MGAT4C: variants seen among roughly 807,000 people sequenced by gnomAD.
MGAT4C encodes the protein alpha-1,3-mannosyl-glycoprotein 4-beta-N-acetylglucosaminyltransferase C.
A neutral mutation model predicts 40.1 loss-of-function variants in MGAT4C; 19 were observed. The ratio of observed to expected loss-of-function variants is 0.47; its 90% CI spans 0.33 to 0.70. The LOEUF is 0.70. MGAT4C is among the 30% of genes least tolerant of loss of function. The pLI is 0.02. For missense variants in MGAT4C, 491 were observed against 563.2 expected (o/e 0.87, Z 1.30); for synonymous variants, 181 against 187.1 (o/e 0.97, Z 0.27).
At chr12:86,818,471 G>C (rs898522543) in intron 1 of MGAT4C, among the ~76,000 whole-genome samples, 2 of 151,046 alleles carry the variant, frequency 1.3e-5, no homozygotes, top group African/African-American at 4.8e-5. Context: ...TGAATTGTTA[G>C]AGGCATGGAA....
intron 3 of MGAT4C, among the ~76,000 whole-genome samples, chr12:86,423,011 G>A (rs761081078): frequency 1.3e-5 from 2 of 152,218 alleles, no homozygotes; most frequent in East Asian, 1.9e-4. Context: ...TAATCTGCAC[G>A]AACATCAGAA....
At chr12:86,699,964 T>C (rs1950326210) in intron 2 of MGAT4C, among the ~76,000 whole-genome samples, 1 of 151,538 alleles carries the variant, frequency 6.6e-6, no homozygotes, top group Non-Finnish European at 1.5e-5. Context: ...GTAATCGTTA[T>C]TGAAAAAAGG....
intron 3 of MGAT4C, among the ~76,000 whole-genome samples, chr12:86,427,539 T>C (rs1956953733): frequency 6.6e-6 from 1 of 152,058 alleles, no homozygotes; most frequent in Non-Finnish European, 1.5e-5. Context: ...AGCACACACA[T>C]GCACATGTGC....
intron 1 of MGAT4C, among the ~76,000 whole-genome samples, chr12:86,229,267 C>A (rs1035862119): frequency 1.2e-4 from 18 of 151,718 alleles, no homozygotes. Context: ...CATTGAATTG[C>A]AAGAATAATG....
At chr12:86,643,445 T>G (rs1013920006) in intron 2 of MGAT4C, among the ~76,000 whole-genome samples, 1 of 151,888 alleles carries the variant, frequency 6.6e-6, no homozygotes, top group Non-Finnish European at 1.5e-5. Context: ...AGACTGAATA[T>G]TCATTAATTG....
chr12:86,446,658 C>CATATATATAT (rs34157468), intron 2 of MGAT4C, among the ~76,000 whole-genome samples: 18 of 35,324 alleles, frequency 5.1e-4, no homozygotes, highest in Admixed American at 1.0e-3. Flanking sequence ...TCATGTAACT[C>CATATATATAT]ATATATATAT....
intron 3 of MGAT4C, among the ~76,000 whole-genome samples, chr12:86,343,067 C>T (rs768153988): frequency 1.3e-5 from 2 of 152,112 alleles, no homozygotes; most frequent in Admixed American, 6.6e-5. Context: ...TGGTCACTAA[C>T]GACTCAGGAT....
At chr12:86,001,334 C>A (rs1304768654) in intron 2 of MGAT4C, among the ~76,000 whole-genome samples, 1 of 152,178 alleles carries the variant, frequency 6.6e-6, no homozygotes. Flanking sequence ...TTCAATACCC[C>A]ATGGCAGTAG....
chr12:86,628,764 A>G (rs572071568), intron 2 of MGAT4C, among the ~76,000 whole-genome samples: 1 of 152,330 alleles, frequency 6.6e-6, no homozygotes, highest in South Asian at 2.1e-4. Flanking sequence ...CACGGAAAGG[A>G]AAAACCAGTG....
chr12:86,214,336 C>T (rs560685444), intron 1 of MGAT4C, among the ~76,000 whole-genome samples: 113 of 152,334 alleles, frequency 7.4e-4, no homozygotes, highest in Middle Eastern at 3.4e-3. Context: ...CAGTCTCTAT[C>T]CCATTACCCA....
Position 85,989,511 on chromosome 12 carries a change from T to C in MGAT4C, c.36A>G (p.Glu12=). The part of the protein sequence containing the change: ...FKFHQMKHIF[E]ILDKMRCLRK... ...TCAGGCATCTCATTTTATCAAGTAT[T>C]TCAAAAATATGTTTCATTTGATGAA... Residue 12 remains glutamate, a synonymous_variant, in exon 3 of 5, where the codon GAA becomes GAG. Coordinates refer to ENST00000611864, the MANE Select transcript of MGAT4C (RefSeq NM_001351288.2). 1 of 1,604,392 alleles carries C rather than the reference T, an allele frequency of 6.2e-7. No homozygotes were observed.
intron 3 of MGAT4C, among the ~76,000 whole-genome samples, chr12:86,337,612 G>A (rs538350106): frequency 1.3e-5 from 2 of 151,644 alleles, no homozygotes; most frequent in African/African-American, 4.8e-5. Context: ...AAAAAGTTGG[G>A]AAGTGAATGT....
At chr12:86,814,315 T>C (rs1266333572) in intron 1 of MGAT4C, among the ~76,000 whole-genome samples, 3 of 1,558 alleles carry the variant, frequency 1.9e-3, no homozygotes, top group African/African-American at 0.011. Flanking sequence ...TATATATACG[T>C]ATATATACAT....
chr12:86,419,123 T>G (rs553344642), intron 3 of MGAT4C, among the ~76,000 whole-genome samples: 2 of 152,208 alleles, frequency 1.3e-5, no homozygotes, highest in African/African-American at 4.8e-5. Context: ...AAATATAACA[T>G]TATTTCTCCC....
chr12:86,443,607 T>G (rs1216135049), intron 2 of MGAT4C, among the ~76,000 whole-genome samples: 1 of 152,212 alleles, frequency 6.6e-6, no homozygotes, highest in Non-Finnish European at 1.5e-5. Flanking sequence ...TTTGTTTGTT[T>G]GTTTGAGACG....
intron 4 of MGAT4C, among the ~76,000 whole-genome samples, chr12:86,297,417 A>G (rs990298156): frequency 3.3e-5 from 5 of 152,214 alleles, no homozygotes; most frequent in African/African-American, 9.6e-5. Flanking sequence ...TTACTAAAAG[A>G]AAAAATACAT....
At chr12:86,080,867 T>C (rs1319777207) in intron 1 of MGAT4C, among the ~76,000 whole-genome samples, 1 of 152,190 alleles carries the variant, frequency 6.6e-6, no homozygotes, top group East Asian at 1.9e-4. Flanking sequence ...GAAAATATTT[T>C]TGGGTAACAA....
intron 4 of MGAT4C, among the ~76,000 whole-genome samples, chr12:86,321,664 A>G (rs1375775068): frequency 6.6e-6 from 1 of 152,124 alleles, no homozygotes; most frequent in African/African-American, 2.4e-5. Context: ...AAAATCAGAG[A>G]CCTGTGAGAT....
intron 2 of MGAT4C, among the ~76,000 whole-genome samples, chr12:86,691,780 A>T (rs1386735003): frequency 6.6e-6 from 1 of 152,160 alleles, no homozygotes; most frequent in Non-Finnish European, 1.5e-5. Context: ...TATATACAAT[A>T]TAAACATATT....
Sources: allele counts gnomAD v4.1 joint callset (sites outside exome capture counted in the v4.1 genomes callset), GRCh38; gene constraint gnomAD v4.1.1; transcripts MANE v1.5; gene names NCBI Gene and HGNC (gene_info 2026-07-23, HGNC 2026-07-21).